Variants in TEX14 observed in about 807,000 individuals in gnomAD.
TEX14 encodes testis expressed 14, intercellular bridge forming factor, also known as inactive serine/threonine-protein kinase TEX14.
TEX14 carries 168 observed loss-of-function variants against 178.6 expected under a neutral mutation model. That is an observed-to-expected ratio of 0.94 (90% CI 0.83 to 1.07). The LOEUF (loss-of-function observed/expected upper bound fraction) is 1.07. Ranked by LOEUF, TEX14 falls within the 50% of genes least tolerant of loss-of-function variation. The pLI is 0.00. For missense variants in TEX14, 1,730 were observed against 1,753.6 expected, an observed-to-expected ratio of 0.99 and a Z score of 0.24; for synonymous variants, 626 against 634.1, an observed-to-expected ratio of 0.99 and a Z score of 0.19.
intron 1 of TEX14, among the ~76,000 whole-genome samples, chr17:58,680,092 C>A (rs895600160): frequency 1.3e-5 from 2 of 151,442 alleles, no homozygotes; most frequent in African/African-American, 4.9e-5. Flanking sequence ...TTTTTTTTTC[C>A]CCCCAGAGAC....
intron 1 of TEX14, among the ~76,000 whole-genome samples, chr17:58,678,695 G>GTA (rs1567773168): frequency 1.3e-5 from 2 of 151,814 alleles, no homozygotes; most frequent in Non-Finnish European, 2.9e-5. Context: ...AAACGGGGAG[G>GTA]GATAGCATTA....
chr17:58,670,432 A>G (rs574371137), intron 1 of TEX14, among the ~76,000 whole-genome samples: 97 of 152,118 alleles, frequency 6.4e-4, no homozygotes, highest in African/African-American at 2.2e-3. Context: ...ATTAAAAAAA[A>G]AAACAACAAA....
At chr17:58,631,677 C>CCAACAGCAAACAGCAGTTAGAATAACG in intron 2 of TEX14, 1 of 151,316 alleles carries the variant, frequency 6.6e-6, no homozygotes, top group South Asian at 2.1e-4. Flanking sequence ...AGAACGGTCA[C>CCAACAGCAAACAGCAGTTAGAATAACG]CAACAGCAAA....
chr17:58,617,553 G>A lies in TEX14; in HGVS notation c.621C>T (p.Ser207=), dbSNP rs760279985. 6.2e-7 allele frequency: 1 copy of A among 1,613,642 alleles called. No individual in the cohort carries two copies. Among genetic ancestry groups the A allele is most frequent in the African/African-American group, 1.3e-5 (1 of 75,018 alleles). The part of the protein sequence containing the change: ...AGVISAQNIY[S]FGFGKFYLTG... ...AACCTCTTACCTTCCCAAAACCAAAGCTGTAGATATTTTGAGCAGAAATGA... is the reference window on the plus strand; with the variant it reads ...AACCTCTTACCTTCCCAAAACCAAAACTGTAGATATTTTGAGCAGAAATGA... The change falls in exon 6 of 32, where the codon AGC becomes AGT. Residue 207 remains serine, a synonymous_variant. Coordinates refer to ENST00000349033, the MANE Select transcript of TEX14 (RefSeq NM_031272.5).
chr17:58,594,276 C>T (rs1017939267), intron 14 of TEX14, among the ~76,000 whole-genome samples: 2 of 151,542 alleles, frequency 1.3e-5, no homozygotes, highest in Non-Finnish European at 2.9e-5. Context: ...AATATGAAGA[C>T]AGCAGATCTT....
At chr17:58,605,786 CCTAAT>C (rs1198382006) in intron 10 of TEX14, among the ~76,000 whole-genome samples, 7 of 152,214 alleles carry the variant, frequency 4.6e-5, no homozygotes, top group Non-Finnish European at 1.0e-4. Flanking sequence ...TCCCTGACTG[CCTAAT>C]CTAAAGTAGT....
At chr17:58,651,717 G>C in intron 2 of TEX14, 149 bp downstream of exon 2, 1 of 716,180 alleles carries the variant, frequency 1.4e-6, no homozygotes, top group Non-Finnish European at 2.2e-6. Context: ...CACCTCTCTT[G>C]ACTGCACTGC....
rs1185226830 is a variant in TEX14, at chr17:58,633,782, C to T, written c.137-3228G>A. Among the ~76,000 whole-genome samples, 3 of 151,970 alleles carry T rather than the reference C, an allele frequency of 2.0e-5. No homozygotes were observed. In the East Asian group the frequency reaches 5.8e-4, roughly 29 times the overall value. On this transcript the variant is annotated intron_variant, in intron 2 of 31. Transcript: ENST00000349033. ...AGGAGCTCGAGACCTGCCTGGCCAA[C>T]ATGGTGAAACCTCGTCTCTACTAAA...
intron 1 of TEX14, among the ~76,000 whole-genome samples, chr17:58,668,758 A>T (rs759024650): frequency 6.6e-6 from 1 of 152,164 alleles, no homozygotes; most frequent in Non-Finnish European, 1.5e-5. Context: ...TCACCCAGAA[A>T]GCATGTGGCA....
At chr17:58,644,490 G>A (rs560550049) in intron 2 of TEX14, among the ~76,000 whole-genome samples, 5 of 151,972 alleles carry the variant, frequency 3.3e-5, no homozygotes, top group African/African-American at 1.2e-4. Flanking sequence ...ATGCCACCAC[G>A]CCTAGCTAGT....
intron 2 of TEX14, chr17:58,631,684 C>G (rs1265810987): frequency 1.3e-5 from 2 of 151,648 alleles, no homozygotes; most frequent in Non-Finnish European, 2.9e-5. Flanking sequence ...TCACCAACAG[C>G]AAACAGCAGT....
At chr17:58,650,202 C>T (rs529896398) in intron 2 of TEX14, among the ~76,000 whole-genome samples, 30 of 151,610 alleles carry the variant, frequency 2.0e-4, no homozygotes, top group Middle Eastern at 3.4e-3. Flanking sequence ...GGATTACAGG[C>T]GCCTGCCACC....
intron 2 of TEX14, among the ~76,000 whole-genome samples, chr17:58,647,005 A>C (rs2046724788): frequency 1.3e-5 from 2 of 151,632 alleles, no homozygotes; most frequent in African/African-American, 4.8e-5. Context: ...TCCAGAGTTC[A>C]AGCGATTCTC....
At chr17:58,563,839 C>T (rs7359501) in intron 28 of TEX14, among the ~76,000 whole-genome samples, 60,873 of 147,962 alleles carry the variant, frequency 0.41, 12,572 homozygotes, top group East Asian at 0.49. Flanking sequence ...CACACACAGA[C>T]GGCAAAGAAC....
In TEX14 at chr17:58,602,092, AG is replaced by A. The variant is rs1261835680; in HGVS notation, c.1528-137del. ...AGACTGACTTTAGTCCTAATTAACT[AG>A]TTTATTGTTATTGCCAATACCTTAA... On this transcript the variant is annotated intron_variant, in intron 12 of 31. Transcript: ENST00000349033. The A allele has an allele frequency of 6.8e-6, 6 of 885,898 alleles. No individual in the cohort carries two copies. The East Asian group carries it at 1.5e-4, about 23-fold the overall frequency. 54.9% of individuals were successfully genotyped at this position (885,898 alleles called of 1,614,324 possible).
At chr17:58,688,193 T>C (rs1483530748) in intron 1 of TEX14, among the ~76,000 whole-genome samples, 1 of 152,250 alleles carries the variant, frequency 6.6e-6, no homozygotes, top group African/African-American at 2.4e-5. Context: ...TAATATCGGC[T>C]CACTGCAATC....
chr17:58,675,401 G>C (rs950735105), intron 1 of TEX14: 2 of 154,702 alleles, frequency 1.3e-5, no homozygotes, highest in Non-Finnish European at 2.9e-5. Flanking sequence ...AGAATGCTGG[G>C]TATTAAGAGA....
chr17:58,597,831 A>C (rs1028482085), intron 14 of TEX14, among the ~76,000 whole-genome samples: 24 of 152,150 alleles, frequency 1.6e-4, no homozygotes, highest in African/African-American at 5.6e-4. Flanking sequence ...ACACAGGAGG[A>C]GTCAGATGTT....
At chr17:58,625,152 G>A (rs1408340820) in intron 3 of TEX14, among the ~76,000 whole-genome samples, 1 of 150,192 alleles carries the variant, frequency 6.7e-6, no homozygotes, top group Admixed American at 6.6e-5. Context: ...CTTTTTTTGA[G>A]ACGAAGTCTC....
Sources: gnomAD v4.1 joint callset for allele counts (sites outside exome capture counted in the v4.1 genomes callset) on GRCh38, gnomAD v4.1.1 for gene constraint, MANE v1.5 for transcripts, NCBI Gene and HGNC (gene_info 2026-07-23, HGNC 2026-07-21) for gene names.